The following ESPN variants were observed in gnomAD, a reference collection of about 807,000 sequenced individuals.
ESPN encodes the protein autosomal recessive deafness type 36 protein.
ESPN carries 68 observed loss-of-function variants against 77.7 expected under a neutral mutation model. That is an observed-to-expected ratio of 0.87 (90% CI 0.72 to 1.07). The LOEUF (loss-of-function observed/expected upper bound fraction) is 1.07. ESPN is among the 50% of genes least tolerant of loss of function. ESPN has a pLI of 0.00. For missense variants in ESPN, 1,060 were observed against 1,239.0 expected (o/e 0.86, Z 2.17); for synonymous variants, 449 against 567.1 (o/e 0.79, Z 2.96).
At position 6,445,669 on chromosome 1, in the gene ESPN, T is replaced by C. The variant is rs763037799; in HGVS notation, c.1198T>C (p.Ser400Pro). 6.2e-7 allele frequency: 1 copy of C among 1,612,440 alleles called. No individual in the cohort carries two copies. Residue 400 changes from serine to proline, a missense_variant, in exon 7 of 13, where the codon TCC (serine) becomes CCC (proline). Coordinates refer to ENST00000645284, the MANE Select transcript of ESPN (RefSeq NM_031475.3). ...IKGQHPPCGL[S>P]SARAADIQSY... ...CCTTCCTTCTGCCTCCCCAGGGCTTTCCAGCGCTAGAGCTGCAGACATACA... is the reference window on the plus strand; with the variant it reads ...CCTTCCTTCTGCCTCCCCAGGGCTTCCCAGCGCTAGAGCTGCAGACATACA...
At chr1:6,455,320 G>C in intron 10 of ESPN, 1 of 373,574 alleles carries the variant, frequency 2.7e-6, no homozygotes, top group Non-Finnish European at 4.7e-6. Context: ...CGCTGGGCCT[G>C]CCGCGGACCA....
At position 6,425,024 on chromosome 1, in the gene ESPN, C is replaced by T. The variant is rs1488518414; in HGVS notation, c.69C>T (p.Ala23=). 2.0e-6 allele frequency: 3 copies of T among 1,470,984 alleles called. No homozygotes were observed. Among genetic ancestry groups the T allele is most frequent in the East Asian group, 5.9e-5 (2 of 34,082 alleles). 91.1% of individuals were successfully genotyped at this position (1,470,984 alleles called of 1,614,324 possible). The part of the protein sequence containing the change: ...GELDVLRSLH[A]AGLLGPSLRD... ...TGGACGTGCTGAGGTCGCTGCACGC[C>T]GCAGGCCTCCTGGGGCCCTCGCTGC... The change falls in exon 1 of 13, where the codon GCC becomes GCT. Residue 23 remains alanine (A), a synonymous_variant. Transcript: ENST00000645284.
In ESPN at chr1:6,460,882, G is replaced by T. The variant is rs45625937; in HGVS notation, c.*736G>T. On this transcript the variant is annotated 3_prime_UTR_variant, in exon 13 of 13. Transcript: ENST00000645284. ...GTCTCCAACTGCTGCACCCCATCCC[G>T]ACCCTGTCTCCGCCACCTCGCAGCC... The T allele has an allele frequency of 6.8e-3, 2,242 of 331,326 alleles. 15 individuals carry two copies. The highest frequency in any genetic ancestry group is 0.011 in the Non-Finnish European group (1,820 of 165,930). The allele number at this position is 331,326 out of a possible 1,614,324, so 20.5% of individuals were successfully genotyped here.
rs769758244 is a variant in ESPN at position 6,455,418 on chromosome 1, C to T, written c.2326-1766C>T. ...CCCGGGGCTGGAGGCCACGGACGCC[C>T]CCCGGCTGCCGGCGAGCAACAGCGA... On this transcript the variant is annotated intron_variant, in intron 10 of 12. Coordinates refer to ENST00000645284, the MANE Select transcript of ESPN (RefSeq NM_031475.3). 4.0e-3 allele frequency: 1,577 copies of T among 393,220 alleles called. 10 individuals carry two copies. Among genetic ancestry groups the T allele is most frequent in the Non-Finnish European group, 5.9e-3 (1,303 of 222,552 alleles). 24.4% of individuals were successfully genotyped at this position (393,220 alleles called of 1,614,324 possible).
rs761467676 is a variant in ESPN at position 6,451,901 on chromosome 1, G to C, written c.2130G>C (p.Ala710=). ...SPVRSPTPPA[A]GFQPLLNGSL... ...TCCGGAGCCCCACACCGCCAGCTGC[G>C]GGGTTTCAGCCGCTGCTCAATGGAA... Residue 710 remains alanine, a synonymous_variant, in exon 10 of 13, where the codon GCG becomes GCC. Transcript: ENST00000645284. The surrounding 1 kb of genome is among the most constrained non-coding windows in gnomAD (Gnocchi z 4.3). 3.7e-6 allele frequency: 6 copies of C among 1,611,094 alleles called. No individual in the cohort carries two copies. In the South Asian group the frequency reaches 4.4e-5, roughly 12 times the overall value.
At chr1:6,444,421 C>T (rs1478861063) in intron 5 of ESPN, 60 bp from the exon 6 acceptor site, 6 of 1,566,628 alleles carry the variant, frequency 3.8e-6, no homozygotes, top group Non-Finnish European at 5.3e-6. Flanking sequence ...GGACCCTGGC[C>T]TGGAGAGCAA....
chr1:6,440,603 C>CCAAA, intron 3 of ESPN, 23 bp from the exon 4 acceptor site: 1 of 1,261,256 alleles, frequency 7.9e-7, no homozygotes, highest in Non-Finnish European at 1.1e-6. Flanking sequence ...CCCCGCCCCC[C>CCAAA]TCTCCCCGCC....
intron 2 of ESPN, among the ~76,000 whole-genome samples, chr1:6,431,808 A>G (rs1643267013): frequency 6.6e-6 from 1 of 152,234 alleles, no homozygotes; most frequent in African/African-American, 2.4e-5. Flanking sequence ...CCCATTTTAC[A>G]GATGGACTCA....
Position 6,430,428 on chromosome 1 carries a change from A to G in ESPN, c.488+2009A>G, listed in dbSNP as rs560523994. ...GAAGCTCAGCTAATTCCAGGTCTAT[A>G]CCTTGGGGTGTTATAACAGAAAGCG... is the stretch of plus-strand genomic sequence containing the variant. On this transcript the variant is annotated intron_variant, in intron 2 of 12. Transcript: ENST00000645284. Among the ~76,000 whole-genome samples the G allele has an allele frequency of 3.8e-3, 572 of 152,250 alleles. 3 individuals are homozygous for G. Among genetic ancestry groups the G allele is most frequent in the African/African-American group, 0.013 (552 of 41,542 alleles).
chr1:6,452,760 C>T (rs1643971810), intron 10 of ESPN, among the ~76,000 whole-genome samples: 1 of 152,236 alleles, frequency 6.6e-6, no homozygotes, highest in African/African-American at 2.4e-5. Flanking sequence ...TGCTGTGCTG[C>T]CGCCTTCCAG....
rs939161127 is a variant in ESPN, at chr1:6,427,499, G to A, written c.295-727G>A. Among the ~76,000 whole-genome samples the A allele has an allele frequency of 3.3e-5, 5 of 152,120 alleles. No individual in the cohort carries two copies. Among genetic ancestry groups the A allele is most frequent in the Admixed American group, 1.3e-4 (2 of 15,274 alleles). Reference sequence around the variant, plus strand: ...GGTCCCCGGGGGGAGTTTTGTCCAAGCCCTCCCAGAGGCCACCACTAGCCT... The same window carrying A: ...GGTCCCCGGGGGGAGTTTTGTCCAAACCCTCCCAGAGGCCACCACTAGCCT... On this transcript the variant is annotated intron_variant, in intron 1 of 12. Transcript: ENST00000645284. The surrounding 1 kb of genome is among the most constrained non-coding windows in gnomAD (Gnocchi z 4.6).
At position 6,451,474 on chromosome 1, in the gene ESPN, T is replaced by A; in HGVS notation, c.1916-129T>A. The A allele has an allele frequency of 7.6e-7, 1 of 1,324,110 alleles. No homozygotes were observed. The highest frequency in any genetic ancestry group is 1.1e-6 in the Non-Finnish European group (1 of 945,948). 82.0% of individuals were successfully genotyped at this position (1,324,110 alleles called of 1,614,324 possible). On this transcript the variant is annotated intron_variant, in intron 8 of 12. Coordinates refer to ENST00000645284, the MANE Select transcript of ESPN (RefSeq NM_031475.3). The surrounding 1 kb of genome is among the most constrained non-coding windows in gnomAD (Gnocchi z 4.3). The stretch of plus-strand genomic sequence containing the variant: ...CTGCAGGACCTGGGATCTGGAGAGC[T>A]GCCCGCTGGCCCGGAGGATGGGCAC...
chr1:6,435,086 A>C (rs112906372), intron 2 of ESPN, among the ~76,000 whole-genome samples: 2 of 152,060 alleles, frequency 1.3e-5, no homozygotes, highest in African/African-American at 4.8e-5. Flanking sequence ...ACCTTTCTCA[A>C]ATCAGGGCTG....
chr1:6,447,207 A>C lies in ESPN; in HGVS notation c.1464+1272A>C, dbSNP rs79090983. On this transcript the variant is annotated intron_variant, in intron 7 of 12. Transcript: ENST00000645284. This position sits in a 1 kb window ranked among gnomAD's most constrained non-coding sequence, Gnocchi z 5.2. ...CTCCCGGCTGTGTGCGCCCCTCCCC[A>C]CTGTGTGCGCCCCTCCCGGCTATGT... is the stretch of plus-strand genomic sequence containing the variant. 2.1e-5 allele frequency: 3 copies of C among 145,218 alleles called. No individual in the cohort carries two copies. The highest frequency in any genetic ancestry group is 3.0e-5 in the Non-Finnish European group (2 of 66,736). 9.0% of individuals were successfully genotyped at this position (145,218 alleles called of 1,614,324 possible). A position where few individuals can be genotyped will look rare whatever the true frequency, so the allele number is the denominator to read the frequency against.
Position 6,428,712 on chromosome 1 carries a change from A to G in ESPN, c.488+293A>G, listed in dbSNP as rs1421606971. On this transcript the variant is annotated intron_variant, in intron 2 of 12. Transcript: ENST00000645284. This position sits in a 1 kb window ranked among gnomAD's most constrained non-coding sequence, Gnocchi z 5.4. ...GAGGCTGGGCACACAGGCCAAGGTC[A>G]CCTGTTCCCCTTGGGCTGCTTCTGC... Among the ~76,000 whole-genome samples the G allele has an allele frequency of 6.6e-6, 1 of 152,158 alleles. No homozygotes were observed. The highest frequency in any genetic ancestry group is 1.5e-5 in the Non-Finnish European group (1 of 68,020).
At chr1:6,448,548 C>A in intron 7 of ESPN, 93 bp from the exon 8 acceptor site, 1 of 1,167,366 alleles carries the variant, frequency 8.6e-7, no homozygotes, top group Non-Finnish European at 1.2e-6. Context: ...CCGCTGGCCG[C>A]GAGTCCCCAG....
In ESPN at chr1:6,428,179, CG is replaced by C. The variant is rs766531591; in HGVS notation, c.295-43del. 3 of 1,595,262 alleles carry C rather than the reference CG, an allele frequency of 1.9e-6. No individual in the cohort carries two copies. The African/African-American group carries it at 4.0e-5, about 21-fold the overall frequency. On this transcript the variant is annotated intron_variant, in intron 1 of 12. Coordinates refer to ENST00000645284, the MANE Select transcript of ESPN (RefSeq NM_031475.3). The surrounding 1 kb of genome is among the most constrained non-coding windows in gnomAD (Gnocchi z 5.4). ...GTCTGGGAGTGGCCCAAGCCAGGGG[CG>C]GGGCAGCAACAGGCTTTAGGACTTG...
At chr1:6,433,244 G>T (rs1557696561) in intron 2 of ESPN, among the ~76,000 whole-genome samples, 1 of 152,068 alleles carries the variant, frequency 6.6e-6, no homozygotes. Flanking sequence ...GGAATTTGAG[G>T]CCAGCCCGGC....
chr1:6,450,518 G>C lies in ESPN; in HGVS notation c.1916-1085G>C, dbSNP rs186043132. 29 of 919,654 alleles carry C rather than the reference G, an allele frequency of 3.2e-5. No individual in the cohort carries two copies. Among genetic ancestry groups the C allele is most frequent in the African/African-American group, 1.4e-4 (8 of 55,980 alleles). 57.0% of individuals were successfully genotyped at this position (919,654 alleles called of 1,614,324 possible). A position where few individuals can be genotyped will look rare whatever the true frequency, so the allele number is the denominator to read the frequency against. Reference sequence around the variant, plus strand: ...CCTGGCTGAGGCTGAGGCGCGGGGTGGGGGGAAGAGGCAGGAAAAGCAAGG... The same window carrying C: ...CCTGGCTGAGGCTGAGGCGCGGGGTCGGGGGAAGAGGCAGGAAAAGCAAGG... On this transcript the variant is annotated intron_variant, in intron 8 of 12. Coordinates refer to ENST00000645284, the MANE Select transcript of ESPN (RefSeq NM_031475.3). This position sits in a 1 kb window ranked among gnomAD's most constrained non-coding sequence, Gnocchi z 4.3.
Sources: gnomAD v4.1 joint callset for allele counts (sites outside exome capture counted in the v4.1 genomes callset) on GRCh38, gnomAD v4.1.1 for gene constraint, Gnocchi (gnomAD v3.1) non-coding constraint, MANE v1.5 for transcripts, NCBI Gene and HGNC (gene_info 2026-07-23, HGNC 2026-07-21) for gene names.